SYN3: variants seen among roughly 807,000 people sequenced by gnomAD.
SYN3 encodes the protein synapsin III, also known as synapsin-3.
SYN3 carries 35 observed loss-of-function variants against 65.8 expected under a neutral mutation model. The ratio of observed to expected loss-of-function variants is 0.53; its 90% CI spans 0.41 to 0.70. The LOEUF (loss-of-function observed/expected upper bound fraction) is 0.70, where lower values mean the gene tolerates loss of function less well. SYN3 is among the 30% of genes least tolerant of loss of function. The pLI, the probability that SYN3 is intolerant of heterozygous loss-of-function variation, is 0.00. For missense variants in SYN3, 680 were observed against 749.0 expected (o/e 0.91, Z 1.08); for synonymous variants, 270 against 292.9 (o/e 0.92, Z 0.80).
chr22:32,645,634 C>G (rs1004600584), intron 6 of SYN3, among the ~76,000 whole-genome samples: 1 of 152,272 alleles, frequency 6.6e-6, no homozygotes, highest in Admixed American at 6.5e-5. Context: ...TATGTCCTTT[C>G]TCTTGAGACC....
At chr22:33,020,620 G>A (rs1294607485) in intron 1 of SYN3, among the ~76,000 whole-genome samples, 1 of 152,164 alleles carries the variant, frequency 6.6e-6, no homozygotes, top group African/African-American at 2.4e-5. Context: ...AGCAAAAGGG[G>A]AGAAATTTCT....
chr22:32,963,993 C>G (rs1411079659), intron 3 of SYN3, among the ~76,000 whole-genome samples: 1 of 152,052 alleles, frequency 6.6e-6, no homozygotes, highest in Non-Finnish European at 1.5e-5. Flanking sequence ...AGGGGGTGAG[C>G]CTTCCCGTCT....
At chr22:33,043,881 C>A (rs765884833) in intron 1 of SYN3, among the ~76,000 whole-genome samples, 2 of 151,966 alleles carry the variant, frequency 1.3e-5, no homozygotes, top group African/African-American at 2.4e-5. Flanking sequence ...GGTGAAACAC[C>A]GTTTCTACTA....
chr22:32,755,757 T>C (rs909046852), intron 6 of SYN3, among the ~76,000 whole-genome samples: 1 of 152,192 alleles, frequency 6.6e-6, no homozygotes, highest in Non-Finnish European at 1.5e-5. Flanking sequence ...CACACACCAA[T>C]GCCCTTCTAT....
chr22:32,713,778 C>T lies in SYN3; in HGVS notation c.712-117042G>A, dbSNP rs187956737. 2.7e-3 allele frequency among the ~76,000 whole-genome samples: 409 copies of T among 151,136 alleles called. 2 individuals carry two copies. Among genetic ancestry groups the T allele is most frequent in the African/African-American group, 9.3e-3 (382 of 41,086 alleles). The stretch of plus-strand genomic sequence containing the variant: ...CCCGGGAGGCAACGCTTGCAGTGAG[C>T]CGAGATTGTGCCAGTGCACTCCAGC... On this transcript the variant is annotated intron_variant, in intron 6 of 13. Coordinates refer to ENST00000358763, the MANE Select transcript of SYN3 (RefSeq NM_003490.4).
intron 6 of SYN3, among the ~76,000 whole-genome samples, chr22:32,599,551 G>A (rs2059251703): frequency 6.6e-6 from 1 of 151,996 alleles, no homozygotes; most frequent in Non-Finnish European, 1.5e-5. Flanking sequence ...TCGATCTCCT[G>A]ACCTCGTGAT....
At chr22:32,952,868 G>C (rs2051333425) in intron 3 of SYN3, among the ~76,000 whole-genome samples, 2 of 152,214 alleles carry the variant, frequency 1.3e-5, no homozygotes, top group African/African-American at 4.8e-5. Context: ...GTTTGAATCT[G>C]ATCTCCACCC....
At chr22:32,628,342 C>T (rs745807582) in intron 6 of SYN3, among the ~76,000 whole-genome samples, 7 of 152,264 alleles carry the variant, frequency 4.6e-5, no homozygotes, top group South Asian at 2.1e-4. Context: ...TCTTCTTTCA[C>T]AAGGTATATT....
At chr22:32,790,043 C>G (rs114505438) in intron 6 of SYN3, among the ~76,000 whole-genome samples, 2 of 152,286 alleles carry the variant, frequency 1.3e-5, no homozygotes, top group Admixed American at 6.5e-5. Context: ...GTATCACAGA[C>G]GAGAATACGG....
At chr22:32,807,106 C>T (rs1005835518) in intron 6 of SYN3, among the ~76,000 whole-genome samples, 20 of 150,460 alleles carry the variant, frequency 1.3e-4, no homozygotes, top group Non-Finnish European at 2.2e-4. Flanking sequence ...CTCCTGACTG[C>T]CCCCCTGGCT....
intron 6 of SYN3, among the ~76,000 whole-genome samples, chr22:32,734,188 G>A (rs542384357): frequency 6.6e-6 from 1 of 152,274 alleles, no homozygotes; most frequent in African/African-American, 2.4e-5. Context: ...CTTTGCATGT[G>A]GGAGCAATCG....
rs577695581 is a variant in SYN3, at chr22:32,544,552, G to T, written c.775-2839C>A. ...AGAATGCCTCTGGTCCTTGCCCTGC[G>T]TTGACCCTCTGTAGCACCTGAAATT... is the stretch of plus-strand genomic sequence containing the variant. On this transcript the variant is annotated intron_variant, in intron 7 of 13. Coordinates refer to ENST00000358763, the MANE Select transcript of SYN3 (RefSeq NM_003490.4). Among the ~76,000 whole-genome samples the T allele has an allele frequency of 8.5e-5, 13 of 152,250 alleles. 1 individual carries two copies. In the South Asian group the frequency reaches 1.7e-3, roughly 19 times the overall value.
intron 5 of SYN3, among the ~76,000 whole-genome samples, chr22:32,868,305 G>C (rs1420952310): frequency 1.3e-5 from 2 of 150,432 alleles, no homozygotes; most frequent in Admixed American, 6.6e-5. Context: ...ATTATTAATA[G>C]CATATATTGT....
chr22:32,539,673 C>A (rs539490473), intron 8 of SYN3, among the ~76,000 whole-genome samples: 2 of 152,112 alleles, frequency 1.3e-5, no homozygotes, highest in Non-Finnish European at 2.9e-5. Flanking sequence ...CTGACATGAA[C>A]CCCCTCCTTT....
chr22:33,034,071 A>C (rs2053807143), intron 1 of SYN3, among the ~76,000 whole-genome samples: 1 of 151,496 alleles, frequency 6.6e-6, no homozygotes, highest in Admixed American at 6.6e-5. Context: ...CTGTAATCCC[A>C]GCTACTCGGG....
chr22:32,718,282 A>G lies in SYN3; in HGVS notation c.712-121546T>C, dbSNP rs5754231. ...CTGCCTTGCCCTCTCCATCAGAATC[A>G]CCCCAGATTCTGCTCCACCAAGTCC... is the stretch of plus-strand genomic sequence containing the variant. On this transcript the variant is annotated intron_variant, in intron 6 of 13. Coordinates refer to ENST00000358763, the MANE Select transcript of SYN3 (RefSeq NM_003490.4). Among the ~76,000 whole-genome samples, 600 of 151,860 alleles carry G rather than the reference A, an allele frequency of 4.0e-3. 3 individuals are homozygous for G. The highest frequency in any genetic ancestry group is 0.013 in the African/African-American group (535 of 41,394).
intron 7 of SYN3, among the ~76,000 whole-genome samples, chr22:32,576,847 C>T (rs994507888): frequency 3.3e-5 from 5 of 151,228 alleles, no homozygotes; most frequent in South Asian, 2.1e-4. Context: ...ACTGCCAGGA[C>T]GCCTTTTTTC....
At chr22:32,872,045 G>A (rs918088310) in intron 4 of SYN3, among the ~76,000 whole-genome samples, 6 of 152,076 alleles carry the variant, frequency 3.9e-5, no homozygotes, top group African/African-American at 7.2e-5. Context: ...TAGGTGCCTC[G>A]TCCTCAAAGC....
intron 4 of SYN3, among the ~76,000 whole-genome samples, chr22:32,888,256 TA>T (rs1370916124): frequency 1.3e-5 from 2 of 152,208 alleles, no homozygotes; most frequent in African/African-American, 4.8e-5. Context: ...TAGATGTTAT[TA>T]TTTTTAAGGT....
Sources: allele counts gnomAD v4.1 joint callset (sites outside exome capture counted in the v4.1 genomes callset), GRCh38; gene constraint gnomAD v4.1.1; transcripts MANE v1.5; gene names NCBI Gene and HGNC (gene_info 2026-07-23, HGNC 2026-07-21).